Variants in ADGRB3 observed in about 807,000 individuals in gnomAD.
ADGRB3 encodes adhesion G protein-coupled receptor B3, also known as brain-specific angiogenesis inhibitor 3.
A neutral mutation model predicts 193.4 loss-of-function variants in ADGRB3; 37 were observed. That is an observed-to-expected ratio of 0.19 (90% confidence interval 0.15 to 0.25). The LOEUF (loss-of-function observed/expected upper bound fraction) is 0.25. ADGRB3 is among the 10% of genes least tolerant of loss of function. The pLI is 1.00. For missense variants in ADGRB3, 1,637 were observed against 1,852.9 expected, an observed-to-expected ratio of 0.88 and a Z score of 2.14; for synonymous variants, 690 against 644.2, an observed-to-expected ratio of 1.07 and a Z score of -1.08.
chr6:69,070,046 G>A (rs546486647), intron 16 of ADGRB3, among the ~76,000 whole-genome samples: 63 of 152,186 alleles, frequency 4.1e-4, no homozygotes, highest in African/African-American at 1.4e-3. Context: ...CTCACTGAAC[G>A]ATGTGACAGA....
chr6:68,782,395 C>T (rs571887222), intron 3 of ADGRB3, among the ~76,000 whole-genome samples: 1 of 151,864 alleles, frequency 6.6e-6, no homozygotes, highest in East Asian at 1.9e-4. Context: ...GAGTTGGTTC[C>T]AAGTCTTTGC....
intron 10 of ADGRB3, among the ~76,000 whole-genome samples, chr6:68,986,282 C>T (rs1258391485): frequency 3.3e-5 from 5 of 152,122 alleles, no homozygotes; most frequent in Non-Finnish European, 5.9e-5. Flanking sequence ...ATTCCTCAGA[C>T]AAGAAACTGG....
At chr6:69,340,494 C>A (rs1768951198) in intron 26 of ADGRB3, among the ~76,000 whole-genome samples, 1 of 152,026 alleles carries the variant, frequency 6.6e-6, no homozygotes, top group East Asian at 1.9e-4. Context: ...GCAATGTGCA[C>A]ATTGCAAAAA....
intron 17 of ADGRB3, among the ~76,000 whole-genome samples, chr6:69,207,026 T>C (rs1765553753): frequency 1.3e-5 from 2 of 152,178 alleles, no homozygotes; most frequent in African/African-American, 4.8e-5. Flanking sequence ...ACCTCCACTG[T>C]GGAGTAGTAG....
intron 20 of ADGRB3, among the ~76,000 whole-genome samples, chr6:69,279,689 A>G (rs969741885): frequency 6.6e-6 from 1 of 152,254 alleles, no homozygotes; most frequent in East Asian, 1.9e-4. Flanking sequence ...CATAAAATGT[A>G]GACCTCTTTT....
At chr6:68,666,816 A>G (rs1768813362) in intron 3 of ADGRB3, among the ~76,000 whole-genome samples, 1 of 151,810 alleles carries the variant, frequency 6.6e-6, no homozygotes. Flanking sequence ...GAAATGATAA[A>G]TGACCTTGAT....
intron 17 of ADGRB3, among the ~76,000 whole-genome samples, chr6:69,125,552 C>T (rs1255381606): frequency 6.6e-6 from 1 of 152,082 alleles, no homozygotes; most frequent in Non-Finnish European, 1.5e-5. Flanking sequence ...AGCCCTTCCA[C>T]GTGGAAGCAG....
At chr6:69,072,656 A>T (rs1238788542) in intron 16 of ADGRB3, among the ~76,000 whole-genome samples, 2 of 152,146 alleles carry the variant, frequency 1.3e-5, no homozygotes, top group African/African-American at 4.8e-5. Context: ...AAAATCAGCC[A>T]ATTAGATTTA....
At chr6:68,952,370 A>ACGTGTGTGTATATATTT (rs1338064147) in intron 6 of ADGRB3, among the ~76,000 whole-genome samples, 1 of 152,120 alleles carries the variant, frequency 6.6e-6, no homozygotes, top group African/African-American at 2.4e-5. Context: ...TGTATATATT[A>ACGTGTGTGTATATATTT]CATGTGTGTT....
At chr6:69,032,297 A>G (rs1219435661) in intron 13 of ADGRB3, among the ~76,000 whole-genome samples, 1 of 152,244 alleles carries the variant, frequency 6.6e-6, no homozygotes. Context: ...AGTCAATTGA[A>G]AACAAATTTT....
chr6:68,958,915 A>C (rs930751124), intron 8 of ADGRB3, among the ~76,000 whole-genome samples: 1 of 150,950 alleles, frequency 6.6e-6, no homozygotes, highest in Admixed American at 6.6e-5. Context: ...GTGTGTGTAC[A>C]TATACACCAA....
chr6:69,009,522 G>T (rs1313696938), intron 11 of ADGRB3, among the ~76,000 whole-genome samples: 4 of 152,068 alleles, frequency 2.6e-5, no homozygotes, highest in African/African-American at 9.7e-5. Context: ...TATGGGGCAG[G>T]ATAGCATAAG....
At chr6:69,153,102 TA>T (rs1394994049) in intron 17 of ADGRB3, among the ~76,000 whole-genome samples, 16 of 152,132 alleles carry the variant, frequency 1.1e-4, no homozygotes, top group Non-Finnish European at 2.4e-4. Context: ...GGACTATATT[TA>T]AAATGTAGGA....
At chr6:68,791,582 C>T (rs1012181532) in intron 3 of ADGRB3, among the ~76,000 whole-genome samples, 2 of 152,086 alleles carry the variant, frequency 1.3e-5, no homozygotes, top group Non-Finnish European at 2.9e-5. Context: ...ACTAGAACTT[C>T]ACTTCTAACT....
intron 3 of ADGRB3, among the ~76,000 whole-genome samples, chr6:68,912,817 G>C (rs528424911): frequency 6.6e-6 from 1 of 152,216 alleles, no homozygotes; most frequent in East Asian, 1.9e-4. Context: ...TCAAAGAAAG[G>C]GGTGACAGAC....
At chr6:68,990,309 C>T (rs576243228) in intron 10 of ADGRB3, among the ~76,000 whole-genome samples, 9 of 152,050 alleles carry the variant, frequency 5.9e-5, no homozygotes, top group East Asian at 1.9e-4. Flanking sequence ...TGGACAGAAA[C>T]GTATGTTATT....
rs928715428 is a variant in ADGRB3, at chr6:69,235,152, T to C, written c.2711+17T>C. On this transcript the variant is annotated intron_variant, in intron 19 of 31. Transcript: ENST00000370598. ...ATTATGGAGGTAAGTAATCAATTGA[T>C]AGACCTGAAATGCAATGCTTAGTTG... 4 of 1,538,698 alleles carry C rather than the reference T, an allele frequency of 2.6e-6. No individual in the cohort carries two copies. Among genetic ancestry groups the C allele is most frequent in the Non-Finnish European group, 3.6e-6 (4 of 1,114,276 alleles).
intron 5 of ADGRB3, among the ~76,000 whole-genome samples, chr6:68,937,261 A>G (rs1427254917): frequency 6.6e-6 from 1 of 152,112 alleles, no homozygotes; most frequent in African/African-American, 2.4e-5. Flanking sequence ...TTTAATGTTA[A>G]ATGAAGCATA....
intron 3 of ADGRB3, among the ~76,000 whole-genome samples, chr6:68,811,072 G>GGA (rs925183326): frequency 1.8e-4 from 27 of 151,794 alleles, no homozygotes; most frequent in African/African-American, 6.5e-4. Context: ...GGTTTTATGA[G>GGA]GAGATATATA....
Sources: allele counts gnomAD v4.1 joint callset (sites outside exome capture counted in the v4.1 genomes callset), GRCh38; gene constraint gnomAD v4.1.1; transcripts MANE v1.5; gene names NCBI Gene and HGNC (gene_info 2026-07-23, HGNC 2026-07-21).